The following FGD1 variants were observed in gnomAD, a reference collection of about 807,000 sequenced individuals.
FGD1 encodes FYVE, RhoGEF and PH domain containing 1.
FGD1 carries 12 observed loss-of-function variants against 65.0 expected under a neutral mutation model. The ratio of observed to expected loss-of-function variants is 0.18; its 90% confidence interval spans 0.12 to 0.30. The LOEUF (loss-of-function observed/expected upper bound fraction) is 0.30, where lower values mean the gene tolerates loss of function less well. Ranked by LOEUF, FGD1 falls within the 10% of genes least tolerant of loss-of-function variation. The pLI is 1.00. For missense variants in FGD1, 542 were observed against 837.6 expected, an observed-to-expected ratio of 0.65 and a Z score of 4.36; for synonymous variants, 333 against 343.9, an observed-to-expected ratio of 0.97 and a Z score of 0.35.
intron 1 of FGD1, among the ~76,000 whole-genome samples, chrX:54,473,335 A>G (rs1922938554): frequency 1.8e-5 from 2 of 112,264 alleles, no homozygotes; most frequent in Admixed American, 1.9e-4. Context: ...CATACACACC[A>G]TGTCACACCT....
chrX:54,488,803 ACTCCC>A (rs1923349200), intron 1 of FGD1, among the ~76,000 whole-genome samples: 1 of 110,747 alleles, frequency 9.0e-6, no homozygotes, highest in South Asian at 3.8e-4. Flanking sequence ...TAGGGAAAGG[ACTCCC>A]TAGTCAATAA....
At chrX:54,484,611 T>C (rs757472003) in intron 1 of FGD1, among the ~76,000 whole-genome samples, 6 of 104,435 alleles carry the variant, frequency 5.7e-5, no homozygotes, top group Non-Finnish European at 9.5e-5. Context: ...AGTGAACCAA[T>C]AGCAGAGCTA....
In FGD1 at chrX:54,460,522, C is replaced by T. The variant is rs1390179931; in HGVS notation, c.1637-3955G>A. Among the ~76,000 whole-genome samples, 7 of 112,400 alleles carry T rather than the reference C, an allele frequency of 6.2e-5. No individual in the cohort carries two copies. The Admixed American group carries it at 6.6e-4, about 11-fold the overall frequency. On this transcript the variant is annotated intron_variant, in intron 8 of 17. Transcript: ENST00000375135. The stretch of plus-strand genomic sequence containing the variant: ...CTTTGGGAGGGCGAGGCGGGTGGAT[C>T]ACGAGGTCAAGAGATTGAGACCATC...
intron 17 of FGD1, 60 bp from the exon 18 acceptor site, chrX:54,446,474 G>C: frequency 9.2e-7 from 1 of 1,084,300 alleles, no homozygotes. Flanking sequence ...CCCCGCCCCA[G>C]CTTCTAACTG....
chrX:54,451,426 AG>A (rs1922374572), intron 12 of FGD1, among the ~76,000 whole-genome samples: 1 of 108,385 alleles, frequency 9.2e-6, no homozygotes, highest in Non-Finnish European at 1.9e-5. Context: ...CTGGGATTAC[AG>A]GTGTGTGCCA....
In FGD1 at chrX:54,495,510, C is replaced by A; in HGVS notation, c.-78G>T. The A allele has an allele frequency of 1.4e-6, 1 of 707,552 alleles. No homozygotes were observed. Among genetic ancestry groups the A allele is most frequent in the Non-Finnish European group, 1.8e-6 (1 of 553,111 alleles). 58.3% of individuals were successfully genotyped at this position (707,552 alleles called of 1,213,427 possible). ...GGCGGAGGCGCGGGCGGAGGAGGCC[C>A]GGCGCCCGGCGGAGCAGCGGCCTCA... On this transcript the variant is annotated 5_prime_UTR_variant, in exon 1 of 18. Transcript: ENST00000375135.
At chrX:54,482,236 G>GCGCGCGCACACACACACACACACA (rs796491256) in intron 1 of FGD1, among the ~76,000 whole-genome samples, 27 of 99,389 alleles carry the variant, frequency 2.7e-4, no homozygotes, top group African/African-American at 1.0e-3. Flanking sequence ...GCACACGCGC[G>GCGCGCGCACACACACACACACACA]CACACACACA....
At chrX:54,455,044 T>C (rs773266189) in intron 12 of FGD1, among the ~76,000 whole-genome samples, 1 of 112,661 alleles carries the variant, frequency 8.9e-6, no homozygotes, top group Non-Finnish European at 1.9e-5. Context: ...GCTTCTGTCA[T>C]GGACCAAGTA....
At position 54,476,555 on chromosome X, in the gene FGD1, T is replaced by C. The variant is rs1453649666; in HGVS notation, c.308-5068A>G. ...TTTGTAGAGATGGGGTCCTTCTTTG[T>C]TGCCCAGGCTGGTGTCAAACTCCTG... On this transcript the variant is annotated intron_variant, in intron 1 of 17. Transcript: ENST00000375135. Among the ~76,000 whole-genome samples the C allele has an allele frequency of 6.4e-5, 7 of 109,832 alleles. 1 individual carries two copies. The East Asian group carries it at 2.0e-3, about 32-fold the overall frequency.
chrX:54,454,166 T>G (rs1298665248), intron 12 of FGD1, among the ~76,000 whole-genome samples: 1 of 111,497 alleles, frequency 9.0e-6, no homozygotes, highest in Non-Finnish European at 1.9e-5. Context: ...ATTTCATTGT[T>G]GTGCGACTAT....
chrX:54,473,632 C>G (rs1922946853), intron 1 of FGD1, among the ~76,000 whole-genome samples: 1 of 112,337 alleles, frequency 8.9e-6, no homozygotes, highest in African/African-American at 3.2e-5. Context: ...AGTATAACAA[C>G]TATTTACATA....
chrX:54,481,180 C>T (rs1368663434), intron 1 of FGD1, among the ~76,000 whole-genome samples: 2 of 110,073 alleles, frequency 1.8e-5, no homozygotes, highest in East Asian at 5.7e-4. Flanking sequence ...TGGAAGGGCC[C>T]AGTTTCCTCT....
At chrX:54,470,555 T>C in intron 3 of FGD1, 28 bp downstream of exon 3, 2 of 1,197,118 alleles carry the variant, frequency 1.7e-6, no homozygotes, top group Non-Finnish European at 2.3e-6. Flanking sequence ...CCCTTTCCCC[T>C]AGAGGGTGCC....
chrX:54,462,428 C>T lies in FGD1; in HGVS notation c.1636+3023G>A, dbSNP rs182283930. On this transcript the variant is annotated intron_variant, in intron 8 of 17. Transcript: ENST00000375135. ...TTTTTTTTGAGATGGAGTCTCACTC[C>T]GTGGCTCAGGTTGGAGTGCAGTGGC... 5.7e-3 allele frequency among the ~76,000 whole-genome samples: 579 copies of T among 101,464 alleles called. 5 individuals carry two copies. The highest frequency in any genetic ancestry group is 0.02 in the African/African-American group (561 of 27,500). 88.1% of individuals were successfully genotyped at this position (101,464 alleles called of 115,157 possible).
intron 12 of FGD1, 33 bp downstream of exon 12, chrX:54,455,415 C>T (rs375438788): frequency 2.7e-5 from 30 of 1,096,092 alleles, no homozygotes; most frequent in African/African-American, 9.1e-5. Flanking sequence ...GGGAGGTAGG[C>T]GCTGGAGGAA....
chrX:54,468,998 T>C, intron 4 of FGD1, 122 bp from the exon 5 acceptor site: 1 of 527,204 alleles, frequency 1.9e-6, no homozygotes, highest in Non-Finnish European at 3.4e-6. Flanking sequence ...TAGGATAACC[T>C]TGACCCCCAT....
intron 17 of FGD1, 77 bp downstream of exon 17, chrX:54,447,234 C>T (rs1922236186): frequency 1.8e-6 from 2 of 1,100,859 alleles, no homozygotes; most frequent in South Asian, 1.9e-5. Context: ...CCTTATCTTC[C>T]AAGGCCAAGG....
chrX:54,449,566 C>T, intron 14 of FGD1, 93 bp downstream of exon 14: 2 of 628,036 alleles, frequency 3.2e-6, no homozygotes, highest in South Asian at 5.0e-5. Flanking sequence ...TCATTACCGT[C>T]TAGGAAAGGG....
At position 54,449,050 on chromosome X, in the gene FGD1, CT is replaced by C. The variant is rs1416941393; in HGVS notation, c.2275-84del. On this transcript the variant is annotated intron_variant, in intron 15 of 17. Transcript: ENST00000375135. ...CCAACTCCCACAGCAGACTTGTGGC[CT>C]CCCCCCACTTGGAGGGTACCCACTC... is the stretch of plus-strand genomic sequence containing the variant. The C allele has an allele frequency of 1.1e-4, 132 of 1,197,933 alleles. No homozygotes were observed. In the African/African-American group the frequency reaches 2.3e-3, roughly 20 times the overall value.
Sources: gnomAD v4.1 joint callset for allele counts (sites outside exome capture counted in the v4.1 genomes callset) on GRCh38, gnomAD v4.1.1 for gene constraint, MANE v1.5 for transcripts, NCBI Gene and HGNC (gene_info 2026-07-23, HGNC 2026-07-21) for gene names.